Variants in MAPK8IP1 observed in about 807,000 individuals in gnomAD.
MAPK8IP1 encodes C-Jun-amino-terminal kinase-interacting protein 1.
MAPK8IP1 carries 17 observed loss-of-function variants against 72.6 expected under a neutral mutation model. The observed-to-expected ratio is 0.23, with a 90% CI of 0.16 to 0.35. The LOEUF (loss-of-function observed/expected upper bound fraction) is 0.35. MAPK8IP1 is among the 10% of genes least tolerant of loss of function. The pLI, the probability that MAPK8IP1 is intolerant of heterozygous loss-of-function variation, is 1.00. For missense variants in MAPK8IP1, 789 were observed against 1,009.7 expected (o/e 0.78, Z 2.96); for synonymous variants, 401 against 443.4 (o/e 0.90, Z 1.20).
Position 45,905,749 on chromosome 11 carries a change from C to T in MAPK8IP1, c.*28C>T, listed in dbSNP as rs772584940. 9 of 1,605,292 alleles carry T rather than the reference C, an allele frequency of 5.6e-6. No homozygotes were observed. The African/African-American group carries it at 8.0e-5, about 14-fold the overall frequency. On this transcript the variant is annotated 3_prime_UTR_variant, in exon 12 of 12. Coordinates refer to ENST00000241014, the MANE Select transcript of MAPK8IP1 (RefSeq NM_005456.4). ...GTGCAGCCCCGCCCTCTGCGTCCCC[C>T]AGCCCTCAGGCCAGTGCCAGGACAG...
In MAPK8IP1 at chr11:45,898,685, C is replaced by G. The variant is rs530337905; in HGVS notation, c.207+495C>G. ...ACACCAGACAGATGGCACCACGCGG[C>G]CTCCCAGACCCTCTCTGGCCTATAG... On this transcript the variant is annotated intron_variant, in intron 2 of 11. Coordinates refer to ENST00000241014, the MANE Select transcript of MAPK8IP1 (RefSeq NM_005456.4). Among the ~76,000 whole-genome samples, 201 of 152,342 alleles carry G rather than the reference C, an allele frequency of 1.3e-3. 1 individual carries two copies. Among genetic ancestry groups the G allele is most frequent in the Middle Eastern group, 0.01 (3 of 294 alleles).
At position 45,902,815 on chromosome 11, in the gene MAPK8IP1, G is replaced by T; in HGVS notation, c.1048G>T (p.Gly350Ter). Residue 350 changes from glycine to a stop codon, truncating the protein, a stop_gained, in exon 5 of 12, where the codon GGA (glycine) becomes TGA (stop). Coordinates refer to ENST00000241014, the MANE Select transcript of MAPK8IP1 (RefSeq NM_005456.4). LOFTEE classifies it high-confidence loss of function. This position sits in a 1 kb window ranked among gnomAD's most constrained non-coding sequence, Gnocchi z 9.3. ...SSPERAEPPG[G>*]GWRGSLGEPP... ...CCCAGAGCGGGCTGAGCCCCCAGGC[G>T]GAGGGTGGCGGGGGAGCCTGGGGGA... 6.3e-7 allele frequency: 1 copy of T among 1,582,460 alleles called. No individual in the cohort carries two copies. Among genetic ancestry groups the T allele is most frequent in the East Asian group, 2.3e-5 (1 of 43,538 alleles).
chr11:45,896,642 G>T (rs987148394), intron 1 of MAPK8IP1: 2 of 1,386,468 alleles, frequency 1.4e-6, no homozygotes, highest in Non-Finnish European at 1.9e-6. Flanking sequence ...GCAGCTGAGG[G>T]CTGCGCTGGG....
chr11:45,900,121 C>T lies in MAPK8IP1; in HGVS notation c.208-17C>T, dbSNP rs1384594664. 1 of 1,214,386 alleles carries T rather than the reference C, an allele frequency of 8.2e-7. No individual in the cohort carries two copies. The highest frequency in any genetic ancestry group is 3.5e-5 in the East Asian group (1 of 28,804). 75.2% of individuals were successfully genotyped at this position (1,214,386 alleles called of 1,614,324 possible). On this transcript the variant is annotated splice_polypyrimidine_tract_variant and intron_variant, in intron 2 of 11. Transcript: ENST00000241014. The surrounding 1 kb of genome is among the most constrained non-coding windows in gnomAD (Gnocchi z 6.5). ...GCCCCGGCCCCGCCCCCTGACGCCC[C>T]TCCGTGCGCTGTGCAGCCCCCGCGC...
Position 45,903,348 on chromosome 11 carries a change from C to T in MAPK8IP1, c.1418-17C>T, listed in dbSNP as rs1183301807. The T allele has an allele frequency of 2.5e-6, 4 of 1,613,314 alleles. No homozygotes were observed. Among genetic ancestry groups the T allele is most frequent in the Non-Finnish European group, 3.4e-6 (4 of 1,179,598 alleles). ...AGAGCTGCGACCCCCCATCCAGCCA[C>T]ACCACCTCACCTGCAGGTGCTGAGT... On this transcript the variant is annotated splice_polypyrimidine_tract_variant and intron_variant, in intron 5 of 11. Transcript: ENST00000241014. The surrounding 1 kb of genome is among the most constrained non-coding windows in gnomAD (Gnocchi z 6.4).
At position 45,902,701 on chromosome 11, in the gene MAPK8IP1, G is replaced by A. The variant is rs764019007; in HGVS notation, c.934G>A (p.Asp312Asn). The change falls in exon 5 of 12, where the codon GAT becomes AAT. Residue 312 changes from aspartate (D) to asparagine (N), a missense_variant. Coordinates refer to ENST00000241014, the MANE Select transcript of MAPK8IP1 (RefSeq NM_005456.4). The surrounding 1 kb of genome is among the most constrained non-coding windows in gnomAD (Gnocchi z 9.3). ...PTESRMSVSS[D>N]PDPAAYPSTA... ...TGAGAGCCGGATGTCAGTCAGCTCCGATCCAGACCCTGCCGCCTACCCCTC... is the reference window on the plus strand; with the variant it reads ...TGAGAGCCGGATGTCAGTCAGCTCCAATCCAGACCCTGCCGCCTACCCCTC... 36 of 1,610,008 alleles carry A rather than the reference G, an allele frequency of 2.2e-5. No individual in the cohort carries two copies. Among genetic ancestry groups the A allele is most frequent in the Admixed American group, 8.3e-5 (5 of 59,970 alleles).
chr11:45,891,489 G>T (rs528434176), intron 1 of MAPK8IP1, among the ~76,000 whole-genome samples: 105 of 152,296 alleles, frequency 6.9e-4, no homozygotes, highest in African/African-American at 2.5e-3. Context: ...TGGGGAGTCA[G>T]TGCCCAGGTG....
intron 11 of MAPK8IP1, 69 bp from the exon 12 acceptor site, chr11:45,905,580 C>G: frequency 2.1e-6 from 3 of 1,425,980 alleles, no homozygotes; most frequent in Admixed American, 1.7e-5. Flanking sequence ...CGGGAAAACC[C>G]TGGGTCGGGA....
chr11:45,904,426 C>T lies in MAPK8IP1; in HGVS notation c.1667-29C>T, dbSNP rs2086686088. On this transcript the variant is annotated intron_variant, in intron 7 of 11. Coordinates refer to ENST00000241014, the MANE Select transcript of MAPK8IP1 (RefSeq NM_005456.4). This position sits in a 1 kb window ranked among gnomAD's most constrained non-coding sequence, Gnocchi z 6.4. The stretch of plus-strand genomic sequence containing the variant: ...GCTCAGCTCCCTCCTGCTCTTTCTG[C>T]CCCTCCTCAATTCACGCTTGCTTTC... 6 of 1,571,036 alleles carry T rather than the reference C, an allele frequency of 3.8e-6. No homozygotes were observed. In the East Asian group the frequency reaches 1.3e-4, roughly 35 times the overall value.
chr11:45,890,899 C>T (rs1590782180), intron 1 of MAPK8IP1, among the ~76,000 whole-genome samples: 1 of 152,246 alleles, frequency 6.6e-6, no homozygotes, highest in East Asian at 1.9e-4. Flanking sequence ...GCCACTGAAG[C>T]CTCAGAGAGG....
Position 45,905,941 on chromosome 11 carries a change from G to A in MAPK8IP1, c.*220G>A. 3.3e-6 allele frequency: 2 copies of A among 602,486 alleles called. No individual in the cohort carries two copies. Among genetic ancestry groups the A allele is most frequent in the Non-Finnish European group, 6.0e-6 (2 of 335,954 alleles). 37.3% of individuals were successfully genotyped at this position (602,486 alleles called of 1,614,324 possible). A position where few individuals can be genotyped will look rare whatever the true frequency, so the allele number is the denominator to read the frequency against. On this transcript the variant is annotated 3_prime_UTR_variant, in exon 12 of 12. Coordinates refer to ENST00000241014, the MANE Select transcript of MAPK8IP1 (RefSeq NM_005456.4). ...ATTAGATTCATCTATGGAGGGCAGAGTGGGCTGCCTGGGGATTGGGAGGGA... is the reference window on the plus strand; with the variant it reads ...ATTAGATTCATCTATGGAGGGCAGAATGGGCTGCCTGGGGATTGGGAGGGA...
chr11:45,887,657 A>T (rs2086537907), intron 1 of MAPK8IP1, among the ~76,000 whole-genome samples: 1 of 152,130 alleles, frequency 6.6e-6, no homozygotes, highest in Non-Finnish European at 1.5e-5. Context: ...CTTTAATGAG[A>T]GGAGCTGAGG....
In MAPK8IP1 at chr11:45,885,783, G is replaced by T. The variant is rs1462096855; in HGVS notation, c.-38G>T. ...CCTTCGCAGCCGCCGCCTCCTCCGCGCCGCGCTCCGCCCGGATGGCCAGGG... is the reference window on the plus strand; with the variant it reads ...CCTTCGCAGCCGCCGCCTCCTCCGCTCCGCGCTCCGCCCGGATGGCCAGGG... On this transcript the variant is annotated 5_prime_UTR_variant, in exon 1 of 12. Coordinates refer to ENST00000241014, the MANE Select transcript of MAPK8IP1 (RefSeq NM_005456.4). 5.7e-6 allele frequency: 7 copies of T among 1,237,048 alleles called. No homozygotes were observed. The African/African-American group carries it at 7.9e-5, about 14-fold the overall frequency. The allele number at this position is 1,237,048 out of a possible 1,614,324, so 76.6% of individuals were successfully genotyped here. A position where few individuals can be genotyped will look rare whatever the true frequency, so the allele number is the denominator to read the frequency against.
rs770542800 is a variant in MAPK8IP1, at chr11:45,904,187, C to A, written c.1666+26C>A. 4 of 1,607,662 alleles carry A rather than the reference C, an allele frequency of 2.5e-6. No homozygotes were observed. In the South Asian group the frequency reaches 4.4e-5, roughly 18 times the overall value. On this transcript the variant is annotated intron_variant, in intron 7 of 11. Coordinates refer to ENST00000241014, the MANE Select transcript of MAPK8IP1 (RefSeq NM_005456.4). The surrounding 1 kb of genome is among the most constrained non-coding windows in gnomAD (Gnocchi z 6.4). ...GTAGTGTTCCCTCCCTGGCCTGTGCCCCCAGCCACCACATCTGTCTGCCCC... is the reference window on the plus strand; with the variant it reads ...GTAGTGTTCCCTCCCTGGCCTGTGCACCCAGCCACCACATCTGTCTGCCCC...
intron 1 of MAPK8IP1, among the ~76,000 whole-genome samples, chr11:45,892,099 C>A (rs1405378333): frequency 2.0e-5 from 3 of 152,186 alleles, no homozygotes; most frequent in African/African-American, 4.8e-5. Context: ...TTGGAGATGA[C>A]CTCCGTATGG....
At chr11:45,898,379 T>C (rs1174212815) in intron 2 of MAPK8IP1, among the ~76,000 whole-genome samples, 189 bp downstream of exon 2, 1 of 151,944 alleles carries the variant, frequency 6.6e-6, no homozygotes, top group Non-Finnish European at 1.5e-5. Flanking sequence ...TTTCATTTGG[T>C]ATTATTATTA....
At chr11:45,905,110 G>GCCA in intron 10 of MAPK8IP1, 41 bp from the exon 11 acceptor site, 2 of 1,612,164 alleles carry the variant, frequency 1.2e-6, no homozygotes, top group Non-Finnish European at 8.5e-7. Context: ...GTGGGTGTGG[G>GCCA]CCGAGCCCCC....
At chr11:45,887,142 C>T (rs1440314561) in intron 1 of MAPK8IP1, among the ~76,000 whole-genome samples, 1 of 152,176 alleles carries the variant, frequency 6.6e-6, no homozygotes, top group Non-Finnish European at 1.5e-5. Flanking sequence ...CATGCAAATA[C>T]TGCCTCCCCA....
intron 1 of MAPK8IP1, among the ~76,000 whole-genome samples, chr11:45,890,912 A>G (rs2086561835): frequency 6.6e-6 from 1 of 152,172 alleles, no homozygotes; most frequent in Non-Finnish European, 1.5e-5. Context: ...CAGAGAGGAC[A>G]TCACTGTCCA....
Sources: gnomAD v4.1 joint callset for allele counts (sites outside exome capture counted in the v4.1 genomes callset) on GRCh38, gnomAD v4.1.1 for gene constraint, Gnocchi (gnomAD v3.1) non-coding constraint, MANE v1.5 for transcripts, NCBI Gene and HGNC (gene_info 2026-07-23, HGNC 2026-07-21) for gene names.